Variants in PCED1B observed in about 807,000 individuals in gnomAD.
The protein encoded by PCED1B is PC-esterase domain-containing protein 1B.
For missense variants in PCED1B, 573 were observed against 573.9 expected, an observed-to-expected ratio of 1.00 and a Z score of 0.02; for synonymous variants, 251 against 246.1, an observed-to-expected ratio of 1.02 and a Z score of -0.19.
intron 3 of PCED1B, among the ~76,000 whole-genome samples, chr12:47,220,266 G>A (rs1565610004): frequency 6.6e-6 from 1 of 152,028 alleles, no homozygotes; most frequent in Non-Finnish European, 1.5e-5. Context: ...CTGCCTCCCG[G>A]GTTCAAGCAA....
chr12:47,235,644 T>C lies in PCED1B; in HGVS notation c.581T>C (p.Val194Ala), dbSNP rs1434458835. The change falls in exon 4 of 4, where the codon GTC (valine) becomes GCC (alanine). Residue 194 changes from valine to alanine, a missense_variant. Coordinates refer to ENST00000546455, the MANE Select transcript of PCED1B (RefSeq NM_138371.3). Reference sequence around the variant, plus strand: ...GCCACCTTCCTGAAAAACGAAGTGGTCAAAGCCAACTTCCACAGCGCCACC... The same window carrying C: ...GCCACCTTCCTGAAAAACGAAGTGGCCAAAGCCAACTTCCACAGCGCCACC... The part of the protein sequence containing the change: ...QKATFLKNEV[V>A]KANFHSATEA... The C allele has an allele frequency of 1.2e-6, 2 of 1,611,844 alleles. No homozygotes were observed. Among genetic ancestry groups the C allele is most frequent in the Middle Eastern group, 1.7e-4 (1 of 6,050 alleles).
At chr12:47,134,237 G>T (rs1343736952) in intron 2 of PCED1B, among the ~76,000 whole-genome samples, 4 of 152,134 alleles carry the variant, frequency 2.6e-5, no homozygotes, top group African/African-American at 9.7e-5. Context: ...AAAGTGCAAG[G>T]CCTTTACGAA....
At chr12:47,218,624 C>T (rs554404043) in intron 3 of PCED1B, among the ~76,000 whole-genome samples, 2 of 151,632 alleles carry the variant, frequency 1.3e-5, no homozygotes, top group Admixed American at 6.6e-5. Context: ...GTAGCTGGGA[C>T]TACAGACATG....
At chr12:47,104,276 A>T (rs139004707) in intron 2 of PCED1B, 81 bp downstream of exon 2, 104 of 152,314 alleles carry the variant, frequency 6.8e-4, no homozygotes, top group African/African-American at 2.4e-3. Flanking sequence ...ACAAAATGAA[A>T]ACCTTAGTTA....
At chr12:47,199,079 A>C (rs1253395850) in intron 2 of PCED1B, among the ~76,000 whole-genome samples, 1 of 152,234 alleles carries the variant, frequency 6.6e-6, no homozygotes, top group African/African-American at 2.4e-5. Context: ...GTCACATAAC[A>C]CAAAGTTAGT....
chr12:47,231,928 G>C (rs1313571220), intron 3 of PCED1B, among the ~76,000 whole-genome samples: 2 of 152,180 alleles, frequency 1.3e-5, no homozygotes, highest in African/African-American at 4.8e-5. Context: ...GGAGACTTGA[G>C]TCTAGAGTGG....
In PCED1B at chr12:47,236,532, G is replaced by C. The variant is rs151238590; in HGVS notation, c.*170G>C. Reference sequence around the variant, plus strand: ...CAAGAAAGCCAAGGAAGAGCAGCCTGACTCATTCTTCTTGGCTGCAGCCTC... The same window carrying C: ...CAAGAAAGCCAAGGAAGAGCAGCCTCACTCATTCTTCTTGGCTGCAGCCTC... On this transcript the variant is annotated 3_prime_UTR_variant, in exon 4 of 4. Transcript: ENST00000546455. 8.8e-6 allele frequency: 6 copies of C among 680,274 alleles called. No individual in the cohort carries two copies. The East Asian group carries it at 1.8e-4, about 20-fold the overall frequency. 42.1% of individuals were successfully genotyped at this position (680,274 alleles called of 1,614,324 possible).
At chr12:47,123,419 C>A (rs895667612) in intron 2 of PCED1B, among the ~76,000 whole-genome samples, 2 of 152,022 alleles carry the variant, frequency 1.3e-5, no homozygotes, top group Non-Finnish European at 2.9e-5. Context: ...AACAAAGGTG[C>A]TTAATTTTTT....
chr12:47,215,199 C>A (rs1943214881), intron 2 of PCED1B, among the ~76,000 whole-genome samples: 1 of 150,774 alleles, frequency 6.6e-6, no homozygotes, highest in Admixed American at 6.6e-5. Flanking sequence ...TTATTCCAGA[C>A]AAAAGAAAAC....
At chr12:47,114,292 A>G (rs1338173913) in intron 2 of PCED1B, among the ~76,000 whole-genome samples, 4 of 152,242 alleles carry the variant, frequency 2.6e-5, no homozygotes, top group Non-Finnish European at 5.9e-5. Flanking sequence ...ACATGAGGAA[A>G]CTGAGCCCAC....
chr12:47,097,636 G>T (rs956086569), intron 1 of PCED1B, among the ~76,000 whole-genome samples: 1 of 152,088 alleles, frequency 6.6e-6, no homozygotes, highest in Admixed American at 6.5e-5. Flanking sequence ...ACTTCTCAGT[G>T]GTGAAATCTA....
chr12:47,084,050 A>C (rs780056272), intron 1 of PCED1B, among the ~76,000 whole-genome samples: 24 of 152,178 alleles, frequency 1.6e-4, no homozygotes, highest in Admixed American at 3.3e-4. Flanking sequence ...TTAATTACAG[A>C]ATACAGATGC....
intron 1 of PCED1B, among the ~76,000 whole-genome samples, chr12:47,085,294 G>A (rs149288771): frequency 7.2e-4 from 110 of 152,262 alleles, no homozygotes; most frequent in Non-Finnish European, 1.1e-3. Context: ...CCCAAGTCCC[G>A]GGAACCCTGG....
At chr12:47,214,726 C>T (rs1943197562) in intron 2 of PCED1B, among the ~76,000 whole-genome samples, 1 of 152,114 alleles carries the variant, frequency 6.6e-6, no homozygotes, top group African/African-American at 2.4e-5. Flanking sequence ...TAAAAGTTGT[C>T]TGAGAGCAGG....
At chr12:47,221,329 A>C (rs1187536131) in intron 3 of PCED1B, among the ~76,000 whole-genome samples, 1 of 146,504 alleles carries the variant, frequency 6.8e-6, no homozygotes, top group Non-Finnish European at 1.5e-5. Flanking sequence ...TTTGTTAGAC[A>C]TCAAAATTCT....
At chr12:47,133,227 A>C (rs185406989) in intron 2 of PCED1B, among the ~76,000 whole-genome samples, 1 of 152,322 alleles carries the variant, frequency 6.6e-6, no homozygotes, top group Non-Finnish European at 1.5e-5. Flanking sequence ...AAGAGACAAC[A>C]TGATGTCTGC....
intron 2 of PCED1B, among the ~76,000 whole-genome samples, chr12:47,126,167 T>C (rs902456206): frequency 3.3e-5 from 5 of 152,034 alleles, no homozygotes; most frequent in African/African-American, 1.2e-4. Context: ...AAAAATTTTT[T>C]TTCAGGTTGA....
At chr12:47,160,304 T>G (rs1255495645) in intron 2 of PCED1B, among the ~76,000 whole-genome samples, 2 of 132,924 alleles carry the variant, frequency 1.5e-5, no homozygotes, top group Non-Finnish European at 3.2e-5. Flanking sequence ...TTTTTTTTTT[T>G]TTTTTTTTTT....
intron 2 of PCED1B, among the ~76,000 whole-genome samples, chr12:47,152,234 G>GA (rs921704818): frequency 7.2e-5 from 11 of 152,056 alleles, no homozygotes; most frequent in African/African-American, 1.4e-4. Context: ...TTACAACAGG[G>GA]AAAAAATCAT....
Sources: allele counts gnomAD v4.1 joint callset (sites outside exome capture counted in the v4.1 genomes callset), GRCh38; gene constraint gnomAD v4.1.1; transcripts MANE v1.5; gene names NCBI Gene and HGNC (gene_info 2026-07-23, HGNC 2026-07-21).